The following PAK2 variants were observed in gnomAD, a reference collection of about 807,000 sequenced individuals.
PAK2 encodes serine/threonine-protein kinase PAK 2.
In PAK2, 21 loss-of-function variants were observed where a neutral mutation model predicts 65.9. The observed-to-expected ratio is 0.32, with a 90% CI of 0.23 to 0.46. PAK2 has a LOEUF of 0.46. Among genes scored for constraint, PAK2 ranks in the 20% least tolerant of loss-of-function variants. The pLI, the probability that PAK2 is intolerant of heterozygous loss-of-function variation, is 1.00. For missense variants in PAK2, 324 were observed against 642.6 expected (o/e 0.50, Z 5.36); for synonymous variants, 204 against 219.7 (o/e 0.93, Z 0.63).
chr3:196,752,423 G>C (rs565665300), intron 1 of PAK2, among the ~76,000 whole-genome samples: 1 of 152,194 alleles, frequency 6.6e-6, no homozygotes, highest in African/African-American at 2.4e-5. Context: ...AAAGAAAATT[G>C]TTTTGACTCT....
At chr3:196,747,110 T>G (rs1267423041) in intron 1 of PAK2, 6 of 150,994 alleles carry the variant, frequency 4.0e-5, no homozygotes, top group African/African-American at 1.2e-4. Flanking sequence ...ATTGTATTGG[T>G]TTTTTTTTGT....
chr3:196,750,789 A>G (rs1718410), intron 1 of PAK2, among the ~76,000 whole-genome samples: 70,221 of 151,000 alleles, frequency 0.47, 16,834 homozygotes, highest in Non-Finnish European at 0.53. Context: ...TGTTTATTAT[A>G]ATAAATGCTT....
At chr3:196,814,770 A>G (rs1227453334) in intron 11 of PAK2, among the ~76,000 whole-genome samples, 1 of 152,274 alleles carries the variant, frequency 6.6e-6, no homozygotes, top group Non-Finnish European at 1.5e-5. Flanking sequence ...TAATTTGGGA[A>G]TGAATTGTGG....
intron 11 of PAK2, among the ~76,000 whole-genome samples, chr3:196,815,942 A>G (rs970150983): frequency 2.6e-5 from 4 of 152,174 alleles, no homozygotes; most frequent in African/African-American, 9.6e-5. Context: ...CTTTATATTC[A>G]TTAATGAATT....
In PAK2 at chr3:196,818,037, G is replaced by A. The variant is rs755702445; in HGVS notation, c.1054-20G>A. On this transcript the variant is annotated intron_variant, in intron 11 of 14. Transcript: ENST00000327134. ...CTTTTCAGGGACTATTTCATTAATA[G>A]GTGTTTTTCTTCTGTTCAGTGTTTA... 5 of 971,480 alleles carry A rather than the reference G, an allele frequency of 5.1e-6. No homozygotes were observed. Among genetic ancestry groups the A allele is most frequent in the Middle Eastern group, 2.8e-4 (1 of 3,522 alleles). 60.2% of individuals were successfully genotyped at this position (971,480 alleles called of 1,614,324 possible).
rs1078099 is a variant in PAK2, at chr3:196,820,901, G to A, written c.1350+334G>A. 0.38 allele frequency among the ~76,000 whole-genome samples: 57,744 copies of A among 151,888 alleles called. 11,450 individuals carry two copies. The highest frequency in any genetic ancestry group is 0.49 in the African/African-American group (20,417 of 41,416). On this transcript the variant is annotated intron_variant, in intron 13 of 14. Coordinates refer to ENST00000327134, the MANE Select transcript of PAK2 (RefSeq NM_002577.4). This position sits in a 1 kb window ranked among gnomAD's most constrained non-coding sequence, Gnocchi z 4.6. ...CTTGCCTATTCTAGAATGCAGTGGCGCAATCTCAGCTCACTGCAACCGCCA... is the reference window on the plus strand; with the variant it reads ...CTTGCCTATTCTAGAATGCAGTGGCACAATCTCAGCTCACTGCAACCGCCA...
rs565187073 is a variant in PAK2 at position 196,754,538 on chromosome 3, C to T, written c.-22+14381C>T. Among the ~76,000 whole-genome samples the T allele has an allele frequency of 2.4e-4, 37 of 152,286 alleles. 1 individual carries two copies. In the South Asian group the frequency reaches 7.7e-3, roughly 32 times the overall value. ...TAGGGTAGTAGGATCTTACCCTACC[C>T]TGTTTCTGTCTTTGTGAGTCTGAAC... On this transcript the variant is annotated intron_variant, in intron 1 of 14. Coordinates refer to ENST00000327134, the MANE Select transcript of PAK2 (RefSeq NM_002577.4).
chr3:196,770,748 G>A (rs990087312), intron 1 of PAK2, among the ~76,000 whole-genome samples: 6 of 151,732 alleles, frequency 4.0e-5, no homozygotes, highest in African/African-American at 7.3e-5. Flanking sequence ...TCAGCTTCCC[G>A]AGTAGCTGGG....
chr3:196,771,700 AGGTGCTT>A (rs951884451), intron 1 of PAK2, among the ~76,000 whole-genome samples: 2 of 152,160 alleles, frequency 1.3e-5, no homozygotes, highest in Non-Finnish European at 2.9e-5. Context: ...CTGGGATTAC[AGGTGCTT>A]GCCACCACGC....
intron 13 of PAK2, among the ~76,000 whole-genome samples, chr3:196,824,210 G>A (rs1711753545): frequency 1.3e-5 from 2 of 152,136 alleles, no homozygotes; most frequent in Non-Finnish European, 1.5e-5. Flanking sequence ...TCCCTCTCTC[G>A]TCTGTACATA....
intron 13 of PAK2, among the ~76,000 whole-genome samples, chr3:196,824,559 T>C (rs367586559): frequency 5.1e-4 from 77 of 152,188 alleles, no homozygotes; most frequent in African/African-American, 1.8e-3. Flanking sequence ...TGATTAGTGG[T>C]TATGGGGTTT....
chr3:196,779,367 G>A (rs1252619750), intron 1 of PAK2, among the ~76,000 whole-genome samples: 2 of 152,112 alleles, frequency 1.3e-5, no homozygotes, highest in Admixed American at 6.5e-5. Flanking sequence ...CTTGCCTTCT[G>A]ACACTACAGC....
chr3:196,808,277 G>A (rs9858813), intron 7 of PAK2, among the ~76,000 whole-genome samples: 27,076 of 151,212 alleles, frequency 0.18, 3,352 homozygotes, highest in African/African-American at 0.35. Context: ...AGATTGCGTC[G>A]TTGGGCTGGG....
chr3:196,786,434 T>C (rs1272471703), intron 2 of PAK2, among the ~76,000 whole-genome samples: 1 of 152,218 alleles, frequency 6.6e-6, no homozygotes, highest in African/African-American at 2.4e-5. Context: ...GTGCTGAGAT[T>C]ACAGGCGTGA....
intron 8 of PAK2, among the ~76,000 whole-genome samples, chr3:196,811,267 TC>T (rs1715795743): frequency 2.7e-5 from 1 of 37,610 alleles, no homozygotes; most frequent in Non-Finnish European, 4.9e-5. Context: ...CTCCCTTCCT[TC>T]CCTTCCCTCC....
At chr3:196,785,720 A>C (rs1232822869) in intron 2 of PAK2, among the ~76,000 whole-genome samples, 1 of 152,226 alleles carries the variant, frequency 6.6e-6, no homozygotes, top group East Asian at 1.9e-4. Context: ...TATTGGACTT[A>C]CAGTTTCACA....
At chr3:196,787,637 C>G (rs1214413467) in intron 2 of PAK2, among the ~76,000 whole-genome samples, 1 of 151,278 alleles carries the variant, frequency 6.6e-6, no homozygotes, top group Non-Finnish European at 1.5e-5. Context: ...GGGAGAATTG[C>G]ATCCACCTTT....
intron 5 of PAK2, 59 bp from the exon 6 acceptor site, chr3:196,806,520 G>A (rs763917235): frequency 1.1e-5 from 11 of 1,021,764 alleles, no homozygotes; most frequent in East Asian, 7.2e-5. Context: ...CATAAAGGGC[G>A]ATAGTCGCAT....
intron 7 of PAK2, among the ~76,000 whole-genome samples, chr3:196,809,498 C>T (rs1715704568): frequency 6.6e-6 from 1 of 150,810 alleles, no homozygotes; most frequent in East Asian, 2.0e-4. Flanking sequence ...TGTGCGCCAC[C>T]ACACCCCGCT....
Sources: allele counts gnomAD v4.1 joint callset (sites outside exome capture counted in the v4.1 genomes callset), GRCh38; gene constraint gnomAD v4.1.1; non-coding constraint Gnocchi (gnomAD v3.1); transcripts MANE v1.5; gene names NCBI Gene and HGNC (gene_info 2026-07-23, HGNC 2026-07-21).